The following ESR1 variants were observed in gnomAD, a reference collection of about 807,000 sequenced individuals.
The protein encoded by ESR1 is estrogen receptor 1.
In ESR1, 12 loss-of-function variants were observed where a neutral mutation model predicts 52.7. That is an observed-to-expected ratio of 0.23 (90% CI 0.15 to 0.37). The LOEUF (loss-of-function observed/expected upper bound fraction) is 0.37, where lower values mean the gene tolerates loss of function less well. ESR1 is among the 10% of genes least tolerant of loss of function. The pLI, the probability that ESR1 is intolerant of heterozygous loss-of-function variation, is 1.00. For missense variants in ESR1, 584 were observed against 779.7 expected (o/e 0.75, Z 2.99); for synonymous variants, 305 against 316.8 (o/e 0.96, Z 0.39).
In ESR1 at chr6:151,700,217, A is replaced by G. The variant is rs144822711; in HGVS notation, c.-201-1658A>G. On this transcript the variant is annotated intron_variant, in intron 1 of 2. Transcript: ENST00000404742. Reference sequence around the variant, plus strand: ...TTCATTACTTTAGATTAGTGGGTTGAAGTGGTGGAGGAAGCCCATATAATC... The same window carrying G: ...TTCATTACTTTAGATTAGTGGGTTGGAGTGGTGGAGGAAGCCCATATAATC... Among the ~76,000 whole-genome samples, 5 of 152,320 alleles carry G rather than the reference A, an allele frequency of 3.3e-5. 1 individual carries two copies. The highest frequency in any genetic ancestry group is 1.2e-4 in the African/African-American group (5 of 41,566).
intron 4 of ESR1, among the ~76,000 whole-genome samples, chr6:151,988,287 A>T (rs1438325885): frequency 1.3e-5 from 2 of 152,072 alleles, no homozygotes; most frequent in Non-Finnish European, 2.9e-5. Flanking sequence ...CAGGCATTAG[A>T]TTATCATAAG....
chr6:151,961,454 GA>G (rs964862966), intron 4 of ESR1, among the ~76,000 whole-genome samples: 97 of 152,188 alleles, frequency 6.4e-4, no homozygotes, highest in African/African-American at 2.2e-3. Flanking sequence ...ATGAGTTCAT[GA>G]AAAAATGGGA....
chr6:151,777,083 G>A (rs189951418), intron 2 of ESR1, among the ~76,000 whole-genome samples: 1 of 151,932 alleles, frequency 6.6e-6, no homozygotes, highest in Admixed American at 6.5e-5. Context: ...GCCAGAGAAA[G>A]GCTTGTACAA....
At chr6:151,848,489 AAT>A (rs371571794) in intron 2 of ESR1, among the ~76,000 whole-genome samples, 3,393 of 140,816 alleles carry the variant, frequency 0.024, 100 homozygotes, top group African/African-American at 0.076. Context: ...AAAAAAAAAA[AAT>A]TTAAAAAAAA....
chr6:151,880,915 A>G (rs1004920156), intron 3 of ESR1, 144 bp downstream of exon 3: 8 of 641,900 alleles, frequency 1.2e-5, no homozygotes, highest in South Asian at 8.9e-5. Context: ...CTTTGCAACA[A>G]AAGTATTTTC....
At chr6:152,002,948 A>G (rs936660062) in intron 4 of ESR1, among the ~76,000 whole-genome samples, 1 of 152,028 alleles carries the variant, frequency 6.6e-6, no homozygotes, top group Non-Finnish European at 1.5e-5. Context: ...AAGAAGTATT[A>G]TAATTGTTTA....
chr6:151,894,718 G>A (rs973043718), intron 3 of ESR1, among the ~76,000 whole-genome samples: 3 of 151,956 alleles, frequency 2.0e-5, no homozygotes, highest in Admixed American at 6.6e-5. Flanking sequence ...TTTATTTCTC[G>A]GTTCTCTACT....
chr6:151,734,686 G>A (rs900199395), intron 2 of ESR1, among the ~76,000 whole-genome samples: 5 of 151,854 alleles, frequency 3.3e-5, no homozygotes, highest in Non-Finnish European at 4.4e-5. Flanking sequence ...GCAGTGGTGC[G>A]ATCTAGGCTC....
At chr6:151,692,801 G>A (rs998212972) in intron 1 of ESR1, among the ~76,000 whole-genome samples, 13 of 152,118 alleles carry the variant, frequency 8.5e-5, no homozygotes, top group East Asian at 3.9e-4. Flanking sequence ...GAGTTTTATC[G>A]TTCTATCTAA....
chr6:151,742,538 T>C lies in ESR1; in HGVS notation c.-71+40533T>C, dbSNP rs12664481. On this transcript the variant is annotated intron_variant, in intron 2 of 2. Coordinates refer to the ESR1 transcript ENST00000404742. ...GCTAACTCTGGAACTGGCTTGCTCATGCTCATCTCTTGTCCCTGCCAGTTC... is the reference window on the plus strand; with the variant it reads ...GCTAACTCTGGAACTGGCTTGCTCACGCTCATCTCTTGTCCCTGCCAGTTC... 7.6e-3 allele frequency among the ~76,000 whole-genome samples: 1,155 copies of C among 152,328 alleles called. 55 individuals are homozygous for C. The East Asian group carries it at 0.17, about 22-fold the overall frequency.
At chr6:151,900,700 A>G (rs932625103) in intron 3 of ESR1, among the ~76,000 whole-genome samples, 8 of 152,016 alleles carry the variant, frequency 5.3e-5, no homozygotes, top group African/African-American at 1.9e-4. Context: ...ACCTGTAGTG[A>G]CTGTTATTTC....
At chr6:152,007,320 C>T (rs889600491) in intron 4 of ESR1, among the ~76,000 whole-genome samples, 6 of 151,950 alleles carry the variant, frequency 3.9e-5, no homozygotes, top group African/African-American at 1.4e-4. Flanking sequence ...AAAGTTAACA[C>T]ATCTTGGAGG....
chr6:151,910,785 TCA>T (rs1194468170), intron 3 of ESR1, among the ~76,000 whole-genome samples: 5 of 152,200 alleles, frequency 3.3e-5, no homozygotes, highest in Non-Finnish European at 5.9e-5. Flanking sequence ...AAATTATATT[TCA>T]GTTTGTATGC....
At chr6:152,040,139 C>A (rs1172828056) in intron 5 of ESR1, among the ~76,000 whole-genome samples, 4 of 152,190 alleles carry the variant, frequency 2.6e-5, no homozygotes, top group African/African-American at 9.7e-5. Flanking sequence ...AGGAATGGTG[C>A]CATATCGCGG....
intron 2 of ESR1, among the ~76,000 whole-genome samples, chr6:151,711,122 CCA>C (rs942080667): frequency 3.2e-4 from 48 of 152,122 alleles, no homozygotes; most frequent in African/African-American, 1.1e-3. Context: ...TGAGAAATTG[CCA>C]CACTGTCTTC....
At chr6:151,704,871 AT>A (rs749506315) in intron 2 of ESR1, among the ~76,000 whole-genome samples, 7 of 151,924 alleles carry the variant, frequency 4.6e-5, no homozygotes, top group Non-Finnish European at 8.8e-5. Flanking sequence ...ACTTAGGACA[AT>A]AACTCAAGGT....
intron 3 of ESR1, among the ~76,000 whole-genome samples, chr6:151,887,517 A>G (rs1233464089): frequency 6.6e-6 from 1 of 152,110 alleles, no homozygotes; most frequent in Non-Finnish European, 1.5e-5. Context: ...ATCGTCATCT[A>G]TGAAACAGAT....
rs532494961 is a variant in ESR1, at chr6:152,036,122, G to A, written c.1235+24328G>A. On this transcript the variant is annotated intron_variant, in intron 5 of 7. Transcript: ENST00000206249. ...CGGTGGCTCACGCCTGTAATCCCAG[G>A]AGGCCAAGGCAGGCAGATCACGAGG... Among the ~76,000 whole-genome samples, 583 of 117,980 alleles carry A rather than the reference G, an allele frequency of 4.9e-3. 2 individuals carry two copies. The highest frequency in any genetic ancestry group is 6.3e-3 in the Non-Finnish European group (378 of 60,218). The allele number at this position is 117,980 out of a possible 152,430, so 77.4% of individuals were successfully genotyped here.
At chr6:151,694,948 AAGTGTGCC>A (rs141433618) in intron 1 of ESR1, among the ~76,000 whole-genome samples, 2,939 of 152,264 alleles carry the variant, frequency 0.019, 36 homozygotes, top group East Asian at 0.032. Context: ...CAAAAACAGA[AAGTGTGCC>A]AGGGTGGAAG....
Sources: gnomAD v4.1 joint callset for allele counts (sites outside exome capture counted in the v4.1 genomes callset) on GRCh38, gnomAD v4.1.1 for gene constraint, MANE v1.5 for transcripts, NCBI Gene and HGNC (gene_info 2026-07-23, HGNC 2026-07-21) for gene names.